Variants in ATP2B2 observed in about 807,000 individuals in gnomAD.
The protein encoded by ATP2B2 is ATPase plasma membrane Ca2+ transporting 2, also known as plasma membrane calcium-transporting ATPase 2.
Under a neutral mutation model 120.0 loss-of-function variants are expected in ATP2B2, and 15 were observed. The ratio of observed to expected loss-of-function variants is 0.12; its 90% CI spans 0.08 to 0.19. ATP2B2 has a LOEUF of 0.19. ATP2B2 is among the 10% of genes least tolerant of loss of function. The pLI is 1.00. For missense variants in ATP2B2, 1,045 were observed against 1,719.8 expected (o/e 0.61, Z 6.94); for synonymous variants, 694 against 700.3 (o/e 0.99, Z 0.14).
At position 10,346,868 on chromosome 3, in the gene ATP2B2, G is replaced by A. The variant is rs1411962868; in HGVS notation, c.2405-731C>T. Reference sequence around the variant, plus strand: ...CCATGGGTCTCTCATTCTGCACATTGAATGTATCACCAAGGCCTGCCAATT... The same window carrying A: ...CCATGGGTCTCTCATTCTGCACATTAAATGTATCACCAAGGCCTGCCAATT... On this transcript the variant is annotated intron_variant, in intron 16 of 22. Transcript: ENST00000360273. The surrounding 1 kb of genome is among the most constrained non-coding windows in gnomAD (Gnocchi z 4.1). Among the ~76,000 whole-genome samples, 2 of 152,094 alleles carry A rather than the reference G, an allele frequency of 1.3e-5. No homozygotes were observed. The highest frequency in any genetic ancestry group is 4.8e-5 in the African/African-American group (2 of 41,404).
chr3:10,571,528 A>C (rs2068127028), intron 2 of ATP2B2, among the ~76,000 whole-genome samples: 1 of 152,258 alleles, frequency 6.6e-6, no homozygotes, highest in Non-Finnish European at 1.5e-5. Flanking sequence ...CAAGGCATGG[A>C]CATGGGCATG....
chr3:10,531,196 C>T (rs2067202224), intron 3 of ATP2B2, among the ~76,000 whole-genome samples: 1 of 152,174 alleles, frequency 6.6e-6, no homozygotes, highest in African/African-American at 2.4e-5. Context: ...GGTCTGCTGG[C>T]ACACACTCCC....
At chr3:10,359,196 A>G (rs2060825582) in intron 13 of ATP2B2, among the ~76,000 whole-genome samples, 1 of 152,358 alleles carries the variant, frequency 6.6e-6, no homozygotes, top group South Asian at 2.1e-4. Flanking sequence ...TACAAAGCAC[A>G]TAAAACTCAG....
chr3:10,537,552 T>G (rs2067346157), intron 2 of ATP2B2, among the ~76,000 whole-genome samples: 1 of 152,138 alleles, frequency 6.6e-6, no homozygotes, highest in Non-Finnish European at 1.5e-5. Context: ...GTAACTTTCC[T>G]GAACTCACTT....
Position 10,343,036 on chromosome 3 carries a change from G to A in ATP2B2, c.2704-71C>T, listed in dbSNP as rs1292415246. The A allele has an allele frequency of 6.6e-7, 1 of 1,516,434 alleles. No individual in the cohort carries two copies. The highest frequency in any genetic ancestry group is 2.1e-4 in the Middle Eastern group (1 of 4,682). 93.9% of individuals were successfully genotyped at this position (1,516,434 alleles called of 1,614,324 possible). A position where few individuals can be genotyped will look rare whatever the true frequency, so the allele number is the denominator to read the frequency against. Reference sequence around the variant, plus strand: ...GCTGTGAAGTGCTGGGCGGGCTCATGGTGTAGTGTCCGCAGGCTCCTGCTG... The same window carrying A: ...GCTGTGAAGTGCTGGGCGGGCTCATAGTGTAGTGTCCGCAGGCTCCTGCTG... On this transcript the variant is annotated intron_variant, in intron 18 of 22. Coordinates refer to ENST00000360273, the MANE Select transcript of ATP2B2 (RefSeq NM_001001331.4). This position sits in a 1 kb window ranked among gnomAD's most constrained non-coding sequence, Gnocchi z 4.2.
At chr3:10,508,739 G>T (rs901424513), upstream of ATP2B2, among the ~76,000 whole-genome samples, 7 of 152,312 alleles carry the variant, frequency 4.6e-5, no homozygotes, top group African/African-American at 1.4e-4. Context: ...TGGACAGGCA[G>T]AGGTGTTGTG....
intron 2 of ATP2B2, among the ~76,000 whole-genome samples, chr3:10,561,768 G>A (rs893494733): frequency 6.6e-6 from 1 of 152,262 alleles, no homozygotes; most frequent in Non-Finnish European, 1.5e-5. Context: ...CATGTGAGAC[G>A]TGCCTTTTGC....
rs151258428 is a variant in ATP2B2 at position 10,360,741 on chromosome 3, C to T, written c.1660-618G>A. 8.1e-4 allele frequency among the ~76,000 whole-genome samples: 124 copies of T among 152,272 alleles called. 1 individual carries two copies. Among genetic ancestry groups the T allele is most frequent in the African/African-American group, 2.8e-3 (117 of 41,554 alleles). On this transcript the variant is annotated intron_variant, in intron 12 of 22. Transcript: ENST00000360273. The stretch of plus-strand genomic sequence containing the variant: ...GATGGAGATGCTGACGCAAGGAAGC[C>T]GAACTTGTGGAGAGTTCACCGGCTT...
At chr3:10,369,280 T>G (rs1251928035) in intron 12 of ATP2B2, among the ~76,000 whole-genome samples, 2 of 152,196 alleles carry the variant, frequency 1.3e-5, no homozygotes, top group African/African-American at 4.8e-5. Flanking sequence ...CTTCTCAGTC[T>G]TCATCTGAAC....
rs2062251002 is a variant in ATP2B2 at position 10,402,360 on chromosome 3, G to C, written c.398-12C>G. ...GGCCGTCGCACATCCTGAAAGACCA[G>C]ATAGAAGCAGGCAGAGTGAGGTCAA... On this transcript the variant is annotated splice_polypyrimidine_tract_variant and intron_variant, in intron 3 of 22. Coordinates refer to ENST00000360273, the MANE Select transcript of ATP2B2 (RefSeq NM_001001331.4). The surrounding 1 kb of genome is among the most constrained non-coding windows in gnomAD (Gnocchi z 4.9). The C allele has an allele frequency of 5.0e-6, 8 of 1,612,324 alleles. No individual in the cohort carries two copies. The highest frequency in any genetic ancestry group is 6.8e-6 in the Non-Finnish European group (8 of 1,180,042).
chr3:10,684,633 G>A (rs979083521), intron 1 of ATP2B2, among the ~76,000 whole-genome samples: 6 of 152,172 alleles, frequency 3.9e-5, no homozygotes, highest in African/African-American at 1.4e-4. Flanking sequence ...ATTTATCATC[G>A]TTAGAGTATC....
At chr3:10,537,719 T>C (rs188722552) in intron 2 of ATP2B2, among the ~76,000 whole-genome samples, 205 of 152,322 alleles carry the variant, frequency 1.3e-3, no homozygotes, top group African/African-American at 4.6e-3. Context: ...ATGTTGAATA[T>C]AATGATGAGA....
At chr3:10,527,944 G>A (rs371997482) in intron 3 of ATP2B2, among the ~76,000 whole-genome samples, 2 of 152,256 alleles carry the variant, frequency 1.3e-5, no homozygotes, top group East Asian at 1.9e-4. Context: ...CCTGAGGATC[G>A]GTGAGGAGGG....
At chr3:10,566,255 G>C (rs1046093547) in intron 2 of ATP2B2, 1 of 152,230 alleles carries the variant, frequency 6.6e-6, no homozygotes, top group African/African-American at 2.4e-5. Context: ...GAGACCCGGG[G>C]TAAGAGCTGA....
At chr3:10,469,518 C>G (rs1575324656) in intron 1 of ATP2B2, among the ~76,000 whole-genome samples, 1 of 152,200 alleles carries the variant, frequency 6.6e-6, no homozygotes, top group African/African-American at 2.4e-5. Context: ...GCAAAGAGCC[C>G]TGGAAGCTCC....
chr3:10,375,402 G>A lies in ATP2B2; in HGVS notation c.1416+28C>T, dbSNP rs374848899. On this transcript the variant is annotated intron_variant, in intron 11 of 22. Coordinates refer to ENST00000360273, the MANE Select transcript of ATP2B2 (RefSeq NM_001001331.4). This position sits in a 1 kb window ranked among gnomAD's most constrained non-coding sequence, Gnocchi z 4.2. The stretch of plus-strand genomic sequence containing the variant: ...GCCCTCAGCTGCAGCTGCATCAGCC[G>A]GCTGGTCCTGCTCTCCTCCCCTCTC... 34 of 1,580,934 alleles carry A rather than the reference G, an allele frequency of 2.2e-5. No individual in the cohort carries two copies. The highest frequency in any genetic ancestry group is 1.2e-4 in the South Asian group (11 of 90,360).
intron 18 of ATP2B2, among the ~76,000 whole-genome samples, chr3:10,344,508 A>G (rs897633992): frequency 2.6e-5 from 4 of 152,228 alleles, no homozygotes; most frequent in Non-Finnish European, 4.4e-5. Context: ...CTCTTGGGGC[A>G]GTGCTGCACT....
chr3:10,512,489 C>CAG, intron 3 of ATP2B2, among the ~76,000 whole-genome samples: 2 of 151,756 alleles, frequency 1.3e-5, no homozygotes, highest in African/African-American at 4.8e-5. Flanking sequence ...CACACACACA[C>CAG]ACACACACAC....
At chr3:10,681,099 C>T (rs1437136869) in intron 1 of ATP2B2, among the ~76,000 whole-genome samples, 4 of 152,202 alleles carry the variant, frequency 2.6e-5, no homozygotes, top group African/African-American at 4.8e-5. Context: ...CGTCAGCTTC[C>T]TGAAGCCTCC....
Sources: gnomAD v4.1 joint callset for allele counts (sites outside exome capture counted in the v4.1 genomes callset) on GRCh38, gnomAD v4.1.1 for gene constraint, Gnocchi (gnomAD v3.1) non-coding constraint, MANE v1.5 for transcripts, NCBI Gene and HGNC (gene_info 2026-07-23, HGNC 2026-07-21) for gene names.